The following GFPT2 variants were observed in gnomAD, a reference collection of about 807,000 sequenced individuals.
GFPT2 encodes glutamine--fructose-6-phosphate transaminase 2, also known as glutamine--fructose-6-phosphate aminotransferase [isomerizing] 2.
In GFPT2, 62 loss-of-function variants were observed where a neutral mutation model predicts 85.6. That is an observed-to-expected ratio of 0.72 (90% CI 0.59 to 0.90). GFPT2 has a LOEUF of 0.90. Ranked by LOEUF, GFPT2 falls within the 40% of genes least tolerant of loss-of-function variation. The probability of loss-of-function intolerance (pLI) is 0.00; values close to 1 mark genes in which losing one functional copy is unlikely to be tolerated. For missense variants in GFPT2, 788 were observed against 893.4 expected (o/e 0.88, Z 1.50); for synonymous variants, 368 against 344.5 (o/e 1.07, Z -0.75).
At position 180,328,950 on chromosome 5, in the gene GFPT2, G is replaced by A. The variant is rs975453240; in HGVS notation, c.535-612C>T. Among the ~76,000 whole-genome samples, 3 of 152,200 alleles carry A rather than the reference G, an allele frequency of 2.0e-5. No homozygotes were observed. The highest frequency in any genetic ancestry group is 7.2e-5 in the African/African-American group (3 of 41,454). On this transcript the variant is annotated intron_variant, in intron 6 of 18. Coordinates refer to ENST00000253778, the MANE Select transcript of GFPT2 (RefSeq NM_005110.4). The surrounding 1 kb of genome is among the most constrained non-coding windows in gnomAD (Gnocchi z 5.4). ...CGTTACTGCTATTATCCTTTCCATG[G>A]ATACGACTGCCACCTGCCCTCTGGG...
Position 180,330,850 on chromosome 5 carries a change from G to A in GFPT2, c.400-16C>T, listed in dbSNP as rs767619624. 7.4e-6 allele frequency: 12 copies of A among 1,612,792 alleles called. No homozygotes were observed. The highest frequency in any genetic ancestry group is 3.3e-5 in the Admixed American group (2 of 59,962). ...CTTTGCTTTCCTGGAATATGCAGTC[G>A]GCACAGTGTGAGAGATTGGTCATTG... On this transcript the variant is annotated splice_polypyrimidine_tract_variant and intron_variant, in intron 5 of 18. Coordinates refer to ENST00000253778, the MANE Select transcript of GFPT2 (RefSeq NM_005110.4). This position sits in a 1 kb window ranked among gnomAD's most constrained non-coding sequence, Gnocchi z 4.4.
At chr5:180,352,825 T>G in intron 1 of GFPT2, 1 of 329,328 alleles carries the variant, frequency 3.0e-6, no homozygotes. Flanking sequence ...GGCCTGCGCG[T>G]GGCCGCCTTT....
chr5:180,349,925 G>A (rs779659697), intron 1 of GFPT2, among the ~76,000 whole-genome samples: 32 of 151,090 alleles, frequency 2.1e-4, no homozygotes, highest in Non-Finnish European at 4.0e-4. Context: ...AGTATGGGAC[G>A]CACAGGGACA....
intron 16 of GFPT2, among the ~76,000 whole-genome samples, chr5:180,306,358 GC>G (rs1241663560): frequency 6.6e-6 from 1 of 152,208 alleles, no homozygotes; most frequent in African/African-American, 2.4e-5. Context: ...CACGGTTAAT[GC>G]CCTCGTCTTG....
At chr5:180,350,814 C>T (rs977579705) in intron 1 of GFPT2, among the ~76,000 whole-genome samples, 2 of 152,216 alleles carry the variant, frequency 1.3e-5, no homozygotes, top group Non-Finnish European at 2.9e-5. Flanking sequence ...CGAGTCCTGG[C>T]TTCCCATGAG....
chr5:180,303,424 G>A (rs1763718089), intron 17 of GFPT2, among the ~76,000 whole-genome samples: 1 of 152,202 alleles, frequency 6.6e-6, no homozygotes. Context: ...GGAGCGGCCA[G>A]CGCAAAGGCC....
Position 180,313,825 on chromosome 5 carries a change from G to A in GFPT2, c.1413C>T (p.Ile471=), listed in dbSNP as rs1763948337. The change falls in exon 14 of 19, where the codon ATC becomes ATT. Residue 471 remains isoleucine (I), a synonymous_variant. Transcript: ENST00000253778. ...CTCCTACCTTGGTGCTGGCCACGCC[G>A]ATCTCCGGCCCTGCGTTGATGTGGA... is the stretch of plus-strand genomic sequence containing the variant. ...CGVHINAGPE[I]GVASTKAYTS... 1 of 1,571,924 alleles carries A rather than the reference G, an allele frequency of 6.4e-7. No homozygotes were observed. Among genetic ancestry groups the A allele is most frequent in the Non-Finnish European group, 8.6e-7 (1 of 1,163,004 alleles).
intron 15 of GFPT2, among the ~76,000 whole-genome samples, chr5:180,311,278 A>G (rs79378167): frequency 0.011 from 1,668 of 152,354 alleles, 38 homozygotes; most frequent in African/African-American, 0.038. Flanking sequence ...AGGCCTGCAC[A>G]GAAGTCTCTC....
Position 180,312,497 on chromosome 5 carries a change from C to T in GFPT2, c.1479G>A (p.Met493Ile). The stretch of plus-strand genomic sequence containing the variant: ...TTTGTAGTGAAATTCGGTCTTCAGA[C>T]ATCATCAAACCAAACATCACCAGAG... ...FISLVMFGLM[M>I]SEDRISLQNR... The change falls in exon 15 of 19, where the codon ATG becomes ATA. Residue 493 changes from methionine (M) to isoleucine (I), a missense_variant. Transcript: ENST00000253778. 6.2e-7 allele frequency: 1 copy of T among 1,611,530 alleles called. No individual in the cohort carries two copies. The highest frequency in any genetic ancestry group is 8.5e-7 in the Non-Finnish European group (1 of 1,177,612).
chr5:180,334,514 T>C (rs1347081190), intron 4 of GFPT2, among the ~76,000 whole-genome samples: 3 of 152,176 alleles, frequency 2.0e-5, no homozygotes, highest in Admixed American at 2.0e-4. Flanking sequence ...TTAACCGCAG[T>C]GGGACTTGTC....
At chr5:180,321,867 T>C (rs1316861702) in intron 9 of GFPT2, among the ~76,000 whole-genome samples, 2 of 152,302 alleles carry the variant, frequency 1.3e-5, no homozygotes, top group African/African-American at 4.8e-5. Flanking sequence ...CACTGCAAGC[T>C]CCGCCTCCCG....
At chr5:180,325,032 G>A (rs922790760) in intron 7 of GFPT2, 137 bp from the exon 8 acceptor site, 20 of 661,298 alleles carry the variant, frequency 3.0e-5, no homozygotes, top group African/African-American at 1.1e-4. Context: ...CCCACAGGAC[G>A]GACGCCTGGA....
At chr5:180,326,816 C>A (rs1045411595) in intron 7 of GFPT2, among the ~76,000 whole-genome samples, 1 of 152,166 alleles carries the variant, frequency 6.6e-6, no homozygotes, top group South Asian at 2.1e-4. Flanking sequence ...CCCAAGACAA[C>A]CCGAAGATTG....
chr5:180,352,425 G>A, intron 1 of GFPT2: 1 of 454,804 alleles, frequency 2.2e-6, no homozygotes, highest in South Asian at 1.5e-5. Context: ...AGGCGGCCCA[G>A]CCAGGAGAGT....
rs1021185242 is a variant in GFPT2 at position 180,335,903 on chromosome 5, C to G, written c.265G>C (p.Ala89Pro). ...CCGTGGGTGGCCCAGCGCGTGTGGGCAATGCCGAAGTGTGTCTCAAACTCC... is the reference window on the plus strand; with the variant it reads ...CCGTGGGTGGCCCAGCGCGTGTGGGGAATGCCGAAGTGTGTCTCAAACTCC... ...KVEFETHFGI[A>P]HTRWATHGVP... Residue 89 changes from alanine (A) to proline (P), a missense_variant, in exon 4 of 19, where the codon GCC (alanine) becomes CCC (proline). By Grantham distance (27) the Ala-to-Pro change is conservative. Transcript: ENST00000253778. 1 of 1,579,358 alleles carries G rather than the reference C, an allele frequency of 6.3e-7. No homozygotes were observed.
intron 1 of GFPT2, among the ~76,000 whole-genome samples, chr5:180,342,579 G>A (rs1367927428): frequency 6.6e-6 from 1 of 151,528 alleles, no homozygotes; most frequent in African/African-American, 2.4e-5. Context: ...CCCAGCCTAG[G>A]TGAAACTTTT....
In GFPT2 at chr5:180,323,843, G is replaced by C. The variant is rs1202097872; in HGVS notation, c.794+345C>G. Among the ~76,000 whole-genome samples, 1 of 152,198 alleles carries C rather than the reference G, an allele frequency of 6.6e-6. No individual in the cohort carries two copies. Among genetic ancestry groups the C allele is most frequent in the Non-Finnish European group, 1.5e-5 (1 of 68,030 alleles). On this transcript the variant is annotated intron_variant, in intron 9 of 18. Transcript: ENST00000253778. The surrounding 1 kb of genome is among the most constrained non-coding windows in gnomAD (Gnocchi z 4.0). ...GAGAGAGGGCTGCACAGCATGCCCC[G>C]ATCTGCTAGTTCTTCCAGAGAAGCT...
chr5:180,305,518 G>A (rs949158247), intron 16 of GFPT2, among the ~76,000 whole-genome samples: 8 of 151,998 alleles, frequency 5.3e-5, no homozygotes, highest in Admixed American at 2.0e-4. Context: ...ATCATCTCTC[G>A]ACTCCCCGCT....
At position 180,313,873 on chromosome 5, in the gene GFPT2, G is replaced by C; in HGVS notation, c.1365C>G (p.Ile455Met). Reference protein sequence around the residue: ...VGVTNTVGSSISRETDCGVHI... With the variant: ...VGVTNTVGSSMSRETDCGVHI... ...GGACGCCGCAGTCGGTCTCGCGAGA[G>C]ATGGAGCTGCCCACGGTGTTGGTGA... The change falls in exon 14 of 19, where the codon ATC becomes ATG. Residue 455 changes from isoleucine (I) to methionine (M), a missense_variant. Transcript: ENST00000253778. 2 of 1,605,676 alleles carry C rather than the reference G, an allele frequency of 1.2e-6. No individual in the cohort carries two copies. Among genetic ancestry groups the C allele is most frequent in the Non-Finnish European group, 1.7e-6 (2 of 1,178,848 alleles).
Sources: allele counts gnomAD v4.1 joint callset (sites outside exome capture counted in the v4.1 genomes callset), GRCh38; gene constraint gnomAD v4.1.1; non-coding constraint Gnocchi (gnomAD v3.1); transcripts MANE v1.5; gene names NCBI Gene and HGNC (gene_info 2026-07-23, HGNC 2026-07-21).